LAMA3: variants seen among roughly 807,000 people sequenced by gnomAD.
LAMA3 encodes the protein laminin subunit alpha 3, also known as laminin subunit alpha-3.
LAMA3 carries 281 observed loss-of-function variants against 402.0 expected under a neutral mutation model. That is an observed-to-expected ratio of 0.70 (90% CI 0.63 to 0.77). LAMA3 has a LOEUF of 0.77. Among genes scored for constraint, LAMA3 ranks in the 30% least tolerant of loss-of-function variants. The pLI, the probability that LAMA3 is intolerant of heterozygous loss-of-function variation, is 0.00. For missense variants in LAMA3, 3,840 were observed against 4,215.5 expected (o/e 0.91, Z 2.47); for synonymous variants, 1,431 against 1,558.4 (o/e 0.92, Z 1.93).
chr18:23,862,664 A>G (rs1311503646), intron 35 of LAMA3, among the ~76,000 whole-genome samples: 1 of 152,146 alleles, frequency 6.6e-6, no homozygotes, highest in Non-Finnish European at 1.5e-5. Context: ...TGACGGGCCC[A>G]TGTGTTGATT....
In LAMA3 at chr18:23,864,880, C is replaced by A; in HGVS notation, c.4680C>A (p.Leu1560=). The A allele has an allele frequency of 6.2e-7, 1 of 1,606,202 alleles. No individual in the cohort carries two copies. Among genetic ancestry groups the A allele is most frequent in the Non-Finnish European group, 8.5e-7 (1 of 1,173,250 alleles). Residue 1560 remains leucine, a synonymous_variant, in exon 36 of 75, where the codon CTC becomes CTA. Coordinates refer to ENST00000313654, the MANE Select transcript of LAMA3 (RefSeq NM_198129.4). The part of the protein sequence containing the change: ...VLLEKKPDVQ[L]TGQHMSIIYE... The stretch of plus-strand genomic sequence containing the variant: ...TGGAAAAGAAGCCGGATGTACAGCT[C>A]ACTGTAGGTATCAGAGCATGACCTA...
intron 5 of LAMA3, among the ~76,000 whole-genome samples, chr18:23,752,523 A>G (rs1170816725): frequency 1.3e-5 from 2 of 152,096 alleles, no homozygotes; most frequent in African/African-American, 4.8e-5. Flanking sequence ...TATGACACAG[A>G]TCACGTGTGC....
intron 2 of LAMA3, among the ~76,000 whole-genome samples, chr18:23,727,305 GTT>G (rs1491355920): frequency 0.02 from 2,255 of 111,226 alleles, 48 homozygotes; most frequent in African/African-American, 0.065. Flanking sequence ...TTCTGTCCTT[GTT>G]TGATTGATTG....
intron 68 of LAMA3, among the ~76,000 whole-genome samples, chr18:23,943,163 G>A (rs187259945): frequency 6.6e-6 from 1 of 152,284 alleles, no homozygotes; most frequent in Admixed American, 6.5e-5. Context: ...AAAAGTACAG[G>A]CTTCTCAGTG....
chr18:23,824,033 A>G (rs902911240), intron 20 of LAMA3, among the ~76,000 whole-genome samples: 25 of 152,308 alleles, frequency 1.6e-4, no homozygotes, highest in Middle Eastern at 3.4e-3. Flanking sequence ...TGGGCAACAT[A>G]GTGGGACCCT....
intron 72 of LAMA3, among the ~76,000 whole-genome samples, chr18:23,950,705 C>G (rs1418029219): frequency 2.6e-5 from 4 of 152,184 alleles, no homozygotes; most frequent in East Asian, 3.8e-4. Flanking sequence ...ATGCCATTTT[C>G]TTTCATCTCC....
At chr18:23,738,636 C>A (rs1013248358) in intron 2 of LAMA3, among the ~76,000 whole-genome samples, 1 of 152,194 alleles carries the variant, frequency 6.6e-6, no homozygotes, top group African/African-American at 2.4e-5. Context: ...GAGGACACAG[C>A]TGTGTTCGAA....
rs1428937715 is a variant in LAMA3, at chr18:23,909,291, G to A, written c.7154G>A (p.Ser2385Asn). Residue 2385 changes from serine to asparagine, a missense_variant, in exon 55 of 75, where the codon AGT becomes AAT. Physicochemically the swap from Ser to Asn is conservative, Grantham distance 46. This residue lies in a region of LAMA3 where 891 missense variants were observed against 857.5 expected (regional missense o/e 1.04). Coordinates refer to ENST00000313654, the MANE Select transcript of LAMA3 (RefSeq NM_198129.4). Reference sequence around the variant, plus strand: ...ATTCAGCAGGCCAGAGATGCTGCCAGTAAGGTGAGTGTGTCCCCACGTGGT... The same window carrying A: ...ATTCAGCAGGCCAGAGATGCTGCCAATAAGGTGAGTGTGTCCCCACGTGGT... Reference protein sequence around the residue: ...ELIQQARDAASKVAVPMRFNG... With the variant: ...ELIQQARDAANKVAVPMRFNG... 1 of 1,611,400 alleles carries A rather than the reference G, an allele frequency of 6.2e-7. No individual in the cohort carries two copies. The highest frequency in any genetic ancestry group is 1.3e-5 in the African/African-American group (1 of 74,944).
chr18:23,864,202 A>T (rs1021976337), intron 35 of LAMA3, among the ~76,000 whole-genome samples: 11 of 150,956 alleles, frequency 7.3e-5, no homozygotes, highest in African/African-American at 2.7e-4. Flanking sequence ...TATTTTTCTT[A>T]CTTTCTTTCT....
In LAMA3 at chr18:23,879,071, C is replaced by G. The variant is rs1000159324; in HGVS notation, c.5112+2664C>G. Reference sequence around the variant, plus strand: ...CCCTCCCCTTTTCTTTTTCTGTCTTCTTTCTTCATCTTCCTTCTTTTATTT... The same window carrying G: ...CCCTCCCCTTTTCTTTTTCTGTCTTGTTTCTTCATCTTCCTTCTTTTATTT... On this transcript the variant is annotated intron_variant, in intron 39 of 74. Transcript: ENST00000313654. The surrounding 1 kb of genome is among the most constrained non-coding windows in gnomAD (Gnocchi z 4.2). Among the ~76,000 whole-genome samples the G allele has an allele frequency of 6.6e-6, 1 of 151,244 alleles. No individual in the cohort carries two copies. The highest frequency in any genetic ancestry group is 1.5e-5 in the Non-Finnish European group (1 of 67,920).
At chr18:23,911,120 G>C (rs867396070) in intron 55 of LAMA3, among the ~76,000 whole-genome samples, 1 of 137,060 alleles carries the variant, frequency 7.3e-6, no homozygotes, top group Middle Eastern at 3.2e-3. Flanking sequence ...GGAAGAGTAG[G>C]AATTTGCCAG....
chr18:23,822,098 C>T lies in LAMA3; in HGVS notation c.2305-154C>T, dbSNP rs1020932862. On this transcript the variant is annotated intron_variant, in intron 19 of 74. Transcript: ENST00000313654. The stretch of plus-strand genomic sequence containing the variant: ...CTATTTCCATCTTTCACAAGTTACT[C>T]GGTGCTCGTTGACTGAGTGTGAGTG... Among the ~76,000 whole-genome samples the T allele has an allele frequency of 5.3e-5, 8 of 152,084 alleles. 1 individual carries two copies. The highest frequency in any genetic ancestry group is 4.8e-5 in the African/African-American group (2 of 41,394).
chr18:23,750,659 T>G (rs2061733435), intron 4 of LAMA3, among the ~76,000 whole-genome samples: 1 of 152,008 alleles, frequency 6.6e-6, no homozygotes, highest in African/African-American at 2.4e-5. Context: ...GAACAAAGGC[T>G]TTGAAAACGT....
At chr18:23,768,420 A>C (rs987885632) in intron 8 of LAMA3, among the ~76,000 whole-genome samples, 1 of 152,246 alleles carries the variant, frequency 6.6e-6, no homozygotes, top group Non-Finnish European at 1.5e-5. Context: ...ATAGAAATGC[A>C]TGTCAAAACC....
At chr18:23,868,446 T>C (rs2064420721) in intron 37 of LAMA3, among the ~76,000 whole-genome samples, 1 of 152,132 alleles carries the variant, frequency 6.6e-6, no homozygotes, top group Non-Finnish European at 1.5e-5. Context: ...CAAAACTCTG[T>C]CTGCACAAAA....
intron 2 of LAMA3, among the ~76,000 whole-genome samples, chr18:23,728,937 G>A (rs1172693492): frequency 1.3e-5 from 2 of 151,106 alleles, no homozygotes; most frequent in Non-Finnish European, 2.9e-5. Context: ...AGGCTGAGAC[G>A]GGGTAATCGC....
At chr18:23,819,783 T>C (rs1057437187) in intron 18 of LAMA3, 58 bp from the exon 19 acceptor site, 9 of 1,429,992 alleles carry the variant, frequency 6.3e-6, no homozygotes, top group Admixed American at 3.3e-5. Flanking sequence ...GATTAAAAGA[T>C]GTTCAGATGA....
chr18:23,895,177 T>C (rs956708701), intron 44 of LAMA3, 119 bp downstream of exon 44: 3 of 1,168,392 alleles, frequency 2.6e-6, no homozygotes, highest in Non-Finnish European at 2.5e-6. Flanking sequence ...TCCTCCTTCC[T>C]CTGATCCAAA....
At position 23,943,925 on chromosome 18, in the gene LAMA3, T is replaced by C; in HGVS notation, c.9164T>C (p.Leu3055Ser). 1 of 1,614,008 alleles carries C rather than the reference T, an allele frequency of 6.2e-7. No homozygotes were observed. The highest frequency in any genetic ancestry group is 8.5e-7 in the Non-Finnish European group (1 of 1,179,956). ...VFALGTDGKK[L>S]RIKSKEKCND... The stretch of plus-strand genomic sequence containing the variant: ...GCACTGGGGACAGATGGGAAAAAAT[T>C]GAGGATCAAAAGCAAGGAGAAATGC... The change falls in exon 69 of 75, where the codon TTG becomes TCG. Residue 3055 changes from leucine to serine, a missense_variant. This residue lies in a region of LAMA3 where 840 missense variants were observed against 981.9 expected (regional missense o/e 0.86). Coordinates refer to ENST00000313654, the MANE Select transcript of LAMA3 (RefSeq NM_198129.4).
Sources: allele counts gnomAD v4.1 joint callset (sites outside exome capture counted in the v4.1 genomes callset), GRCh38; gene constraint gnomAD v4.1.1; regional missense constraint gnomAD v4.1.1; non-coding constraint Gnocchi (gnomAD v3.1); transcripts MANE v1.5; gene names NCBI Gene and HGNC (gene_info 2026-07-23, HGNC 2026-07-21).